The following SLC30A3 variants were observed in gnomAD, a reference collection of about 807,000 sequenced individuals.
SLC30A3 encodes probable proton-coupled zinc antiporter SLC30A3.
Under a neutral mutation model 35.6 loss-of-function variants are expected in SLC30A3, and 20 were observed. The ratio of observed to expected loss-of-function variants is 0.56; its 90% CI spans 0.39 to 0.82. The LOEUF is 0.82. Ranked by LOEUF, SLC30A3 falls within the 40% of genes least tolerant of loss-of-function variation. SLC30A3 has a pLI of 0.00. For synonymous variants in SLC30A3, 217 were observed against 224.7 expected (o/e 0.97, Z 0.31); for missense variants, 401 against 530.6 (o/e 0.76, Z 2.40).
At chr2:27,272,494 A>ATTT (rs1216610551) in intron 1 of SLC30A3, among the ~76,000 whole-genome samples, 2 of 133,776 alleles carry the variant, frequency 1.5e-5, no homozygotes. Context: ...GAAGGCAGCT[A>ATTT]TTTTTTTTTT....
chr2:27,275,069 G>A (rs1677945431), intron 1 of SLC30A3: 1 of 600,132 alleles, frequency 1.7e-6, no homozygotes, highest in Non-Finnish European at 2.8e-6. Context: ...CCAGGTTGTG[G>A]AGGTGTTTCC....
Position 27,257,159 on chromosome 2 carries a change from A to C in SLC30A3, c.772T>G (p.Phe258Val). The stretch of plus-strand genomic sequence containing the variant: ...CAGGTCTCCAATGATGGTACCTTGA[A>C]GTAGATGAGGATGGAGGCAGCCAGT... ...GVLAASILIY[F>V]KPQYKAADPI... Residue 258 changes from phenylalanine to valine, a missense_variant, in exon 5 of 8, where the codon TTC (phenylalanine) becomes GTC (valine). By Grantham distance (50) the Phe-to-Val change is conservative. Transcript: ENST00000233535. This position sits in a 1 kb window ranked among gnomAD's most constrained non-coding sequence, Gnocchi z 4.7. 6.2e-7 allele frequency: 1 copy of C among 1,613,812 alleles called. No individual in the cohort carries two copies. The highest frequency in any genetic ancestry group is 8.5e-7 in the Non-Finnish European group (1 of 1,179,830).
chr2:27,263,902 C>A (rs1677360206), upstream of SLC30A3: 1 of 520,840 alleles, frequency 1.9e-6, no homozygotes, highest in Non-Finnish European at 3.4e-6. Context: ...AGCGGGGCAG[C>A]GTGTCAGCTA....
chr2:27,259,381 T>C (rs1408640009), intron 1 of SLC30A3, among the ~76,000 whole-genome samples: 2 of 152,064 alleles, frequency 1.3e-5, no homozygotes, highest in Non-Finnish European at 2.9e-5. Context: ...TAATCCCAGC[T>C]ACTTGGGAGG....
rs771149305 is a variant in SLC30A3, at chr2:27,257,284, G to A, written c.647C>T (p.Pro216Leu). The change falls in exon 5 of 8, where the codon CCG becomes CTG. Residue 216 changes from proline (P) to leucine (L), a missense_variant. Physicochemically the swap from Pro to Leu is moderately conservative, Grantham distance 98. Transcript: ENST00000233535. The surrounding 1 kb of genome is among the most constrained non-coding windows in gnomAD (Gnocchi z 4.7). ...GGGCTCTTCAGGCCCCTCCTCCAGC[G>A]GTGCATACTCTGCTCCCCTAGACCC... ...SHGSRGAEYA[P>L]LEEGPEEPLP... The A allele has an allele frequency of 5.6e-5, 90 of 1,613,820 alleles. 1 individual carries two copies. The South Asian group carries it at 8.3e-4, about 15-fold the overall frequency.
In SLC30A3 at chr2:27,253,939, T is replaced by C. The variant is rs1676710623; in HGVS notation, c.*1373A>G. 6.6e-6 allele frequency: 1 copy of C among 152,260 alleles called. No individual in the cohort carries two copies. Among genetic ancestry groups the C allele is most frequent in the South Asian group, 2.1e-4 (1 of 4,834 alleles). The allele number at this position is 152,260 out of a possible 1,614,324, so 9.4% of individuals were successfully genotyped here. ...GCCTCAGCCTCCAAAGGGCTGAGAT[T>C]ACAGGCACAGGCCACTATGTCCAGC... On this transcript the variant is annotated 3_prime_UTR_variant, in exon 8 of 8. Coordinates refer to ENST00000233535, the MANE Select transcript of SLC30A3 (RefSeq NM_003459.5).
At position 27,258,383 on chromosome 2, in the gene SLC30A3, TG is replaced by T. The variant is rs1337924712; in HGVS notation, c.278-77del. 2.1e-6 allele frequency: 3 copies of T among 1,401,336 alleles called. No individual in the cohort carries two copies. Among genetic ancestry groups the T allele is most frequent in the African/African-American group, 2.9e-5 (2 of 69,462 alleles). The allele number at this position is 1,401,336 out of a possible 1,614,324, so 86.8% of individuals were successfully genotyped here. A position where few individuals can be genotyped will look rare whatever the true frequency, so the allele number is the denominator to read the frequency against. Reference sequence around the variant, plus strand: ...GTGTGTATAGGCATGGAAAATAAATTGGGGGATATACACCAAAAATGTGATT... The same window carrying T: ...GTGTGTATAGGCATGGAAAATAAATTGGGGATATACACCAAAAATGTGATT... On this transcript the variant is annotated intron_variant, in intron 2 of 7. Transcript: ENST00000233535. This position sits in a 1 kb window ranked among gnomAD's most constrained non-coding sequence, Gnocchi z 4.0.
chr2:27,271,801 T>C lies in SLC30A3; in HGVS notation c.-159+3376A>G, dbSNP rs192578103. 1.3e-5 allele frequency among the ~76,000 whole-genome samples: 2 copies of C among 152,376 alleles called. No homozygotes were observed. Among genetic ancestry groups the C allele is most frequent in the Admixed American group, 1.3e-4 (2 of 15,306 alleles). Reference sequence around the variant, plus strand: ...TGCTACTCCCACCTCTGCAGCTTCCTGGCTGAAGTGACATTCTATTCAGAG... The same window carrying C: ...TGCTACTCCCACCTCTGCAGCTTCCCGGCTGAAGTGACATTCTATTCAGAG... On this transcript the variant is annotated intron_variant, in intron 1 of 5. Transcript: ENST00000424577. This position sits in a 1 kb window ranked among gnomAD's most constrained non-coding sequence, Gnocchi z 4.3.
chr2:27,256,182 G>A (rs1676835699), intron 7 of SLC30A3: 3 of 621,258 alleles, frequency 4.8e-6, no homozygotes, highest in African/African-American at 1.8e-5. Context: ...ACTGCATCCA[G>A]TGGATGGAGA....
In SLC30A3 at chr2:27,271,930, C is replaced by G. The variant is rs1482897338; in HGVS notation, c.-159+3247G>C. Among the ~76,000 whole-genome samples, 2 of 152,216 alleles carry G rather than the reference C, an allele frequency of 1.3e-5. No individual in the cohort carries two copies. Among genetic ancestry groups the G allele is most frequent in the Non-Finnish European group, 2.9e-5 (2 of 68,030 alleles). On this transcript the variant is annotated intron_variant, in intron 1 of 5. Transcript: ENST00000424577. This position sits in a 1 kb window ranked among gnomAD's most constrained non-coding sequence, Gnocchi z 4.3. ...GATAAGAAGTGAAAACATTCTGCAG[C>G]CTCTGTCAAGATGCGAAAGGTGTTT...
chr2:27,255,480 G>C lies in SLC30A3; in HGVS notation c.1019-20C>G, dbSNP rs754177123. 1 of 1,610,734 alleles carries C rather than the reference G, an allele frequency of 6.2e-7. No homozygotes were observed. Among genetic ancestry groups the C allele is most frequent in the Non-Finnish European group, 8.5e-7 (1 of 1,178,880 alleles). On this transcript the variant is annotated intron_variant, in intron 7 of 7. Coordinates refer to ENST00000233535, the MANE Select transcript of SLC30A3 (RefSeq NM_003459.5). This position sits in a 1 kb window ranked among gnomAD's most constrained non-coding sequence, Gnocchi z 5.2. ...TGGAGTCTGTGGGAGAGTGATAAGAGGCGGCATCCATCCCGGGGGAGAAAG... is the reference window on the plus strand; with the variant it reads ...TGGAGTCTGTGGGAGAGTGATAAGACGCGGCATCCATCCCGGGGGAGAAAG...
chr2:27,256,503 C>T lies in SLC30A3; in HGVS notation c.901G>A (p.Gly301Arg). The change falls in exon 7 of 8, where the codon GGG becomes AGG. Residue 301 changes from glycine to arginine, a missense_variant. Physicochemically the swap from Gly to Arg is moderately radical, Grantham distance 125. Coordinates refer to ENST00000233535, the MANE Select transcript of SLC30A3 (RefSeq NM_003459.5). ...ILMEGTPRNVGFEPVRDTLLS... is the reference protein window; with the variant it reads ...ILMEGTPRNVRFEPVRDTLLS... Reference sequence around the variant, plus strand: ...AGCGTATCCCGCACAGGTTCGAACCCCACATTGCGGGGGGTACCTGCAACC... The same window carrying T: ...AGCGTATCCCGCACAGGTTCGAACCTCACATTGCGGGGGGTACCTGCAACC... The T allele has an allele frequency of 6.2e-7, 1 of 1,614,038 alleles. No homozygotes were observed. Among genetic ancestry groups the T allele is most frequent in the Non-Finnish European group, 8.5e-7 (1 of 1,180,020 alleles).
intron 1 of SLC30A3, among the ~76,000 whole-genome samples, chr2:27,274,655 T>C (rs1348874435): frequency 1.4e-5 from 2 of 144,176 alleles, no homozygotes; most frequent in East Asian, 4.0e-4. Flanking sequence ...AAGTTAGCAA[T>C]AGAGATCAAG....
At chr2:27,268,560 T>C (rs570426326) in intron 1 of SLC30A3, among the ~76,000 whole-genome samples, 3 of 152,300 alleles carry the variant, frequency 2.0e-5, no homozygotes, top group East Asian at 3.9e-4. Context: ...GAGACCATCC[T>C]GGCTAACACA....
upstream of SLC30A3, among the ~76,000 whole-genome samples, chr2:27,267,050 CCT>C (rs1677527354): frequency 6.6e-6 from 1 of 152,038 alleles, no homozygotes; most frequent in South Asian, 2.1e-4. Context: ...AAACTGAGCC[CCT>C]GATTGTCACG....
Position 27,256,439 on chromosome 2 carries a change from T to C in SLC30A3, c.965A>G (p.His322Arg), listed in dbSNP as rs1349698771. 2.5e-6 allele frequency: 4 copies of C among 1,613,862 alleles called. No homozygotes were observed. Among genetic ancestry groups the C allele is most frequent in the Non-Finnish European group, 3.4e-6 (4 of 1,180,008 alleles). Residue 322 changes from histidine (H) to arginine (R), a missense_variant, in exon 7 of 8, where the codon CAC becomes CGC. By Grantham distance (29) the His-to-Arg change is conservative. This residue lies in a region of SLC30A3 where 296 missense variants were observed against 392.6 expected (regional missense o/e 0.75). Transcript: ENST00000233535. ...GTAAGTGAGCGTAAGGGCCCACAGG[T>C]GCAGCTCATGGGTTGCCCGGACTCC... Reference protein sequence around the residue: ...VPGVRATHELHLWALTLTYHV... With the variant: ...VPGVRATHELRLWALTLTYHV...
chr2:27,275,291 AG>A, exon 1 of SLC30A3: 1 of 1,109,016 alleles, frequency 9.0e-7, no homozygotes. Flanking sequence ...CCCTGCCCCA[AG>A]GCCTGGCAGC....
intron 1 of SLC30A3, among the ~76,000 whole-genome samples, chr2:27,268,287 TATC>T (rs1236659380): frequency 1.5e-4 from 23 of 152,240 alleles, no homozygotes; most frequent in Admixed American, 8.5e-4. Context: ...TTTGACCACT[TATC>T]ATTGTATCCA....
intron 1 of SLC30A3, among the ~76,000 whole-genome samples, chr2:27,259,685 C>T (rs147047386): frequency 4.0e-4 from 61 of 152,262 alleles, no homozygotes; most frequent in African/African-American, 1.4e-3. Flanking sequence ...AAATTAGAGG[C>T]ATGAGGCTCA....
Sources: gnomAD v4.1 joint callset for allele counts (sites outside exome capture counted in the v4.1 genomes callset) on GRCh38, gnomAD v4.1.1 for gene constraint, gnomAD v4.1.1 regional missense constraint, Gnocchi (gnomAD v3.1) non-coding constraint, MANE v1.5 for transcripts, NCBI Gene and HGNC (gene_info 2026-07-23, HGNC 2026-07-21) for gene names.